NUSAP1: variants seen among roughly 807,000 people sequenced by gnomAD.
NUSAP1 encodes the protein nucleolar and spindle-associated protein 1.
Under a neutral mutation model 52.8 loss-of-function variants are expected in NUSAP1, and 32 were observed. The observed-to-expected ratio is 0.61, with a 90% CI of 0.46 to 0.81. NUSAP1 has a LOEUF of 0.81. Among genes scored for constraint, NUSAP1 ranks in the 40% least tolerant of loss-of-function variants. The pLI is 0.00. For synonymous variants in NUSAP1, 195 were observed against 183.1 expected, an observed-to-expected ratio of 1.06 and a Z score of -0.52; for missense variants, 499 against 522.3, an observed-to-expected ratio of 0.96 and a Z score of 0.43.
At chr15:41,346,435 C>G (rs1222535897) in intron 2 of NUSAP1, among the ~76,000 whole-genome samples, 1 of 152,052 alleles carries the variant, frequency 6.6e-6, no homozygotes, top group Non-Finnish European at 1.5e-5. Context: ...TCATAAGTAG[C>G]TGGAACTGCA....
chr15:41,337,490 G>C (rs1003082855), intron 1 of NUSAP1, among the ~76,000 whole-genome samples: 5 of 152,082 alleles, frequency 3.3e-5, no homozygotes, highest in Admixed American at 2.0e-4. Flanking sequence ...CACTCTGCTA[G>C]CTTATTTGCC....
chr15:41,354,944 C>T (rs866208385), intron 4 of NUSAP1, among the ~76,000 whole-genome samples: 7 of 150,314 alleles, frequency 4.7e-5, no homozygotes, highest in Non-Finnish European at 7.4e-5. Flanking sequence ...GGCTTTAACC[C>T]GGGAGGTGGA....
chr15:41,340,554 T>A (rs956934727), intron 1 of NUSAP1, among the ~76,000 whole-genome samples: 3 of 152,170 alleles, frequency 2.0e-5, no homozygotes, highest in Admixed American at 6.6e-5. Flanking sequence ...ATAACTAACA[T>A]CTGCACCTTC....
chr15:41,349,398 C>A, intron 3 of NUSAP1, 157 bp downstream of exon 3: 1 of 634,664 alleles, frequency 1.6e-6, no homozygotes, highest in Non-Finnish European at 2.7e-6. Context: ...TCCAGCTGCT[C>A]ATCACTGCAT....
intron 10 of NUSAP1, among the ~76,000 whole-genome samples, chr15:41,378,675 C>T (rs1448618233): frequency 1.3e-5 from 2 of 152,022 alleles, no homozygotes; most frequent in Non-Finnish European, 2.9e-5. Context: ...GAGGCTGAGG[C>T]AGCAGAATCA....
At chr15:41,350,265 A>G (rs2048731250) in intron 3 of NUSAP1, among the ~76,000 whole-genome samples, 1 of 152,200 alleles carries the variant, frequency 6.6e-6, no homozygotes, top group Non-Finnish European at 1.5e-5. Context: ...AAATAAAAGC[A>G]ATTAATCATA....
chr15:41,365,543 G>A lies in NUSAP1; in HGVS notation c.802G>A (p.Gly268Arg), dbSNP rs767319326. ...AAGTCAGAGTACCTTGGGTCTGAAG[G>A]GGTCACTCAAGCGCTCTGCTATCTC... ...PASQSTLGLKGSLKRSAISAA... is the reference protein window; with the variant it reads ...PASQSTLGLKRSLKRSAISAA... The change falls in exon 7 of 11, where the codon GGG becomes AGG. Residue 268 changes from glycine to arginine, a missense_variant. Coordinates refer to ENST00000559596, the MANE Select transcript of NUSAP1 (RefSeq NM_016359.5). The A allele has an allele frequency of 6.2e-6, 10 of 1,612,660 alleles. No individual in the cohort carries two copies. The highest frequency in any genetic ancestry group is 8.5e-6 in the Non-Finnish European group (10 of 1,179,336).
intron 1 of NUSAP1, among the ~76,000 whole-genome samples, chr15:41,334,794 C>T (rs1230025137): frequency 6.6e-6 from 1 of 151,992 alleles, no homozygotes; most frequent in East Asian, 1.9e-4. Context: ...GCGATCCTCC[C>T]GCCACGGCCT....
chr15:41,372,603 G>C (rs2049746091), intron 8 of NUSAP1, among the ~76,000 whole-genome samples: 1 of 152,178 alleles, frequency 6.6e-6, no homozygotes, highest in South Asian at 2.1e-4. Flanking sequence ...GTACCAATCT[G>C]TGCTTCCAGT....
chr15:41,355,017 C>T (rs1230984732), intron 4 of NUSAP1, among the ~76,000 whole-genome samples: 1 of 149,198 alleles, frequency 6.7e-6, no homozygotes, highest in Admixed American at 6.7e-5. Flanking sequence ...GAGACTCCAT[C>T]TCAAAAAAAA....
chr15:41,360,279 C>T (rs1325713573), intron 6 of NUSAP1, among the ~76,000 whole-genome samples: 1 of 151,940 alleles, frequency 6.6e-6, no homozygotes, highest in East Asian at 1.9e-4. Context: ...CCTGGGATTA[C>T]AGGCAACCAC....
chr15:41,367,736 G>C (rs2049478757), intron 7 of NUSAP1, among the ~76,000 whole-genome samples: 1 of 152,148 alleles, frequency 6.6e-6, no homozygotes, highest in South Asian at 2.1e-4. Flanking sequence ...AGCAATGGGG[G>C]CTGGTGGGGA....
At chr15:41,352,990 C>T (rs1181114610) in intron 4 of NUSAP1, among the ~76,000 whole-genome samples, 1 of 152,024 alleles carries the variant, frequency 6.6e-6, no homozygotes, top group Non-Finnish European at 1.5e-5. Context: ...AGTAAGCACC[C>T]TAGGAGGCAC....
intron 7 of NUSAP1, 135 bp downstream of exon 7, chr15:41,365,724 CTTTT>C (rs757052862): frequency 7.6e-5 from 32 of 418,330 alleles, no homozygotes; most frequent in South Asian, 1.9e-4. Flanking sequence ...TTTTCTTTTT[CTTTT>C]TTTTTTTTTT....
intron 7 of NUSAP1, among the ~76,000 whole-genome samples, chr15:41,366,633 T>C (rs182320464): frequency 8.5e-5 from 13 of 152,346 alleles, no homozygotes; most frequent in Admixed American, 7.8e-4. Flanking sequence ...ATGAATTGTT[T>C]TCCTGATTTC....
intron 8 of NUSAP1, among the ~76,000 whole-genome samples, chr15:41,372,106 A>C (rs543279493): frequency 6.6e-6 from 1 of 152,216 alleles, no homozygotes; most frequent in African/African-American, 2.4e-5. Flanking sequence ...TTCTATAATC[A>C]AAAGCAAAAA....
intron 2 of NUSAP1, among the ~76,000 whole-genome samples, chr15:41,343,766 C>T (rs2048453154): frequency 6.6e-6 from 1 of 151,692 alleles, no homozygotes; most frequent in Non-Finnish European, 1.5e-5. Context: ...GCTGGGATTA[C>T]AGGTGTGAGC....
chr15:41,346,400 C>T (rs960686820), intron 2 of NUSAP1, among the ~76,000 whole-genome samples: 5 of 152,020 alleles, frequency 3.3e-5, no homozygotes, highest in Non-Finnish European at 7.4e-5. Flanking sequence ...TTGGCTTGAC[C>T]TCAAGCAGTC....
chr15:41,337,931 C>CTTTTTTTTTTTT (rs757341496), intron 1 of NUSAP1, among the ~76,000 whole-genome samples: 198 of 110,908 alleles, frequency 1.8e-3, no homozygotes, highest in Middle Eastern at 5.0e-3. Flanking sequence ...TTTCTTTTTT[C>CTTTTTTTTTTTT]TTTTTTTTTT....
Sources: gnomAD v4.1 joint callset for allele counts (sites outside exome capture counted in the v4.1 genomes callset) on GRCh38, gnomAD v4.1.1 for gene constraint, MANE v1.5 for transcripts, NCBI Gene and HGNC (gene_info 2026-07-23, HGNC 2026-07-21) for gene names.